CCNB3: variants seen among roughly 807,000 people sequenced by gnomAD.
CCNB3 encodes the protein cyclin B3.
Under a neutral mutation model 68.0 loss-of-function variants are expected in CCNB3, and 12 were observed. The ratio of observed to expected loss-of-function variants is 0.18; its 90% CI spans 0.11 to 0.29. The LOEUF (loss-of-function observed/expected upper bound fraction) is 0.29, where lower values mean the gene tolerates loss of function less well. Among genes scored for constraint, CCNB3 ranks in the 10% least tolerant of loss-of-function variants. CCNB3 has a pLI of 1.00. For synonymous variants in CCNB3, 354 were observed against 388.9 expected, an observed-to-expected ratio of 0.91 and a Z score of 1.06; for missense variants, 904 against 993.1, an observed-to-expected ratio of 0.91 and a Z score of 1.21.
intron 8 of CCNB3, among the ~76,000 whole-genome samples, chrX:50,322,912 G>A (rs1922103520): frequency 9.0e-6 from 1 of 111,013 alleles, no homozygotes; most frequent in Admixed American, 9.5e-5. Context: ...TAAAAAGTCA[G>A]GAAACAACAG....
chrX:50,347,531 A>T, intron 10 of CCNB3, 95 bp from the exon 11 acceptor site: 5 of 882,329 alleles, frequency 5.7e-6, no homozygotes, highest in Non-Finnish European at 8.0e-6. Flanking sequence ...ACAGAGGGCC[A>T]CTGAGGCTCG....
intron 1 of CCNB3, among the ~76,000 whole-genome samples, chrX:50,228,741 C>T (rs1213484719): frequency 0.08 from 4,367 of 54,266 alleles, 401 homozygotes; most frequent in African/African-American, 0.29. Flanking sequence ...AATATAGAAA[C>T]ATATAGAATA....
At chrX:50,305,303 C>T (rs1198006710) in intron 5 of CCNB3, among the ~76,000 whole-genome samples, 5 of 112,006 alleles carry the variant, frequency 4.5e-5, no homozygotes, top group African/African-American at 6.5e-5. Context: ...GGCATATATA[C>T]ACCATGGAAT....
Position 50,280,255 on chromosome X carries a change from T to C in CCNB3, c.-112-4287T>C, listed in dbSNP as rs1936111329. On this transcript the variant is annotated intron_variant, in intron 1 of 12. Coordinates refer to ENST00000376042, the MANE Select transcript of CCNB3 (RefSeq NM_033031.3). ...TATGTATAGAATATAGATATAAATA[T>C]CTATATAGAATATAGATATAAATAT... 3.2e-5 allele frequency among the ~76,000 whole-genome samples: 3 copies of C among 93,119 alleles called. No individual in the cohort carries two copies. In the South Asian group the frequency reaches 1.4e-3, roughly 44 times the overall value. The allele number at this position is 93,119 out of a possible 115,157, so 80.9% of individuals were successfully genotyped here. A position where few individuals can be genotyped will look rare whatever the true frequency, so the allele number is the denominator to read the frequency against.
chrX:50,295,280 G>A (rs1283151665), intron 5 of CCNB3, among the ~76,000 whole-genome samples: 1 of 111,679 alleles, frequency 9.0e-6, no homozygotes, highest in African/African-American at 3.3e-5. Flanking sequence ...ACCTGTTTGA[G>A]CTAGTCTGTG....
At chrX:50,288,923 G>T in intron 4 of CCNB3, 36 bp downstream of exon 4, 1 of 959,298 alleles carries the variant, frequency 1.0e-6, no homozygotes. Flanking sequence ...CTATGGTTTT[G>T]CATAAGGCTT....
At chrX:50,228,782 A>G (rs1196948815) in intron 1 of CCNB3, among the ~76,000 whole-genome samples, 1 of 73,636 alleles carries the variant, frequency 1.4e-5, no homozygotes, top group African/African-American at 5.6e-5. Flanking sequence ...ATACATATAT[A>G]GAATATATAT....
intron 1 of CCNB3, among the ~76,000 whole-genome samples, chrX:50,207,521 T>C (rs1287405091): frequency 9.0e-6 from 1 of 111,405 alleles, no homozygotes; most frequent in Non-Finnish European, 1.9e-5. Flanking sequence ...ATTTACATAA[T>C]TGAAAATAAG....
intron 5 of CCNB3, among the ~76,000 whole-genome samples, chrX:50,299,152 G>T (rs782123700): frequency 2.8e-4 from 31 of 111,154 alleles, no homozygotes; most frequent in African/African-American, 9.8e-4. Flanking sequence ...CTCTGATCTT[G>T]GTTGTTTCTT....
chrX:50,279,740 G>T (rs1222954480), intron 1 of CCNB3, among the ~76,000 whole-genome samples: 2 of 87,646 alleles, frequency 2.3e-5, no homozygotes, highest in East Asian at 6.9e-4. Context: ...ATATGATTAT[G>T]TATATTCATA....
At chrX:50,348,926 G>C (rs1159851584) in intron 11 of CCNB3, among the ~76,000 whole-genome samples, 1 of 112,617 alleles carries the variant, frequency 8.9e-6, no homozygotes, top group Non-Finnish European at 1.9e-5. Flanking sequence ...GGGCCGTGAG[G>C]GGGACAGCTG....
chrX:50,297,028 A>G (rs1936486821), intron 5 of CCNB3, among the ~76,000 whole-genome samples: 1 of 111,249 alleles, frequency 9.0e-6, no homozygotes, highest in African/African-American at 3.3e-5. Context: ...TCTGGATATT[A>G]GCCCTTTGTC....
intron 1 of CCNB3, among the ~76,000 whole-genome samples, chrX:50,228,459 T>C (rs1037448598): frequency 2.4e-3 from 222 of 91,865 alleles, no homozygotes; most frequent in African/African-American, 7.8e-3. Flanking sequence ...AGAATATATA[T>C]AGAGGATATA....
At chrX:50,218,794 C>G (rs1173490535) in intron 1 of CCNB3, among the ~76,000 whole-genome samples, 5 of 111,857 alleles carry the variant, frequency 4.5e-5, no homozygotes, top group Non-Finnish European at 9.4e-5. Flanking sequence ...TGGGCATATA[C>G]CCAGTGATGG....
At chrX:50,343,667 C>T (rs1313022301) in intron 9 of CCNB3, among the ~76,000 whole-genome samples, 1 of 111,708 alleles carries the variant, frequency 9.0e-6, no homozygotes, top group Non-Finnish European at 1.9e-5. Context: ...GTTCAAGCCA[C>T]TGTATTCCAG....
At position 50,351,743 on chromosome X, in the gene CCNB3, A is replaced by G. The variant is rs782433027; in HGVS notation, c.*40A>G. 1.0e-5 allele frequency: 10 copies of G among 997,219 alleles called. No homozygotes were observed. The highest frequency in any genetic ancestry group is 1.2e-5 in the Non-Finnish European group (9 of 723,534). 82.2% of individuals were successfully genotyped at this position (997,219 alleles called of 1,213,427 possible). A position where few individuals can be genotyped will look rare whatever the true frequency, so the allele number is the denominator to read the frequency against. ...CTAAGCATGCATGTTAACAGGGTAT[A>G]TTTATTCTATGTTCGAATTTGTCTT... is the stretch of plus-strand genomic sequence containing the variant. On this transcript the variant is annotated 3_prime_UTR_variant, in exon 13 of 13. Coordinates refer to ENST00000376042, the MANE Select transcript of CCNB3 (RefSeq NM_033031.3).
chrX:50,210,447 C>G (rs931289333), intron 1 of CCNB3, among the ~76,000 whole-genome samples: 2 of 111,639 alleles, frequency 1.8e-5, no homozygotes, highest in Admixed American at 1.9e-4. Flanking sequence ...AAAAATAGAA[C>G]GAAATTGCTT....
chrX:50,301,155 AG>A (rs1338599906), intron 5 of CCNB3, among the ~76,000 whole-genome samples: 2 of 110,945 alleles, frequency 1.8e-5, no homozygotes, highest in Non-Finnish European at 3.8e-5. Flanking sequence ...TTCTCCATCC[AG>A]CTTTGTTCTG....
At chrX:50,223,966 A>G (rs1935712975) in intron 1 of CCNB3, among the ~76,000 whole-genome samples, 1 of 112,011 alleles carries the variant, frequency 8.9e-6, no homozygotes, top group South Asian at 3.7e-4. Flanking sequence ...TGCCCTGTCC[A>G]GAGAGGAGGA....
Sources: gnomAD v4.1 joint callset for allele counts (sites outside exome capture counted in the v4.1 genomes callset) on GRCh38, gnomAD v4.1.1 for gene constraint, MANE v1.5 for transcripts, NCBI Gene and HGNC (gene_info 2026-07-23, HGNC 2026-07-21) for gene names.